Variants in POU3F3 observed in about 807,000 individuals in gnomAD.
The protein encoded by POU3F3 is POU domain, class 3, transcription factor 3.
A neutral mutation model predicts 8.6 loss-of-function variants in POU3F3; 1 was observed. The observed-to-expected ratio is 0.12, with a 90% CI of 0.04 to 0.55. POU3F3 has a LOEUF of 0.55. POU3F3 is among the 20% of genes least tolerant of loss of function. POU3F3 has a pLI of 0.91. For missense variants in POU3F3, 577 were observed against 690.7 expected, an observed-to-expected ratio of 0.84 and a Z score of 1.84; for synonymous variants, 418 against 327.4, an observed-to-expected ratio of 1.28 and a Z score of -2.99.
Position 104,856,947 on chromosome 2 carries a change from G to C in POU3F3, c.1437G>C (p.Ser479=). The change falls in exon 1 of 1, where the codon TCG becomes TCC. Residue 479 remains serine (S), a synonymous_variant. Coordinates refer to ENST00000361360, the MANE Select transcript of POU3F3 (RefSeq NM_006236.3). ...AGCAGACGCCCGACGACGTCTACTCGCAGGTGGGCACCGTGAGCGCCGACA... is the reference window on the plus strand; with the variant it reads ...AGCAGACGCCCGACGACGTCTACTCCCAGGTGGGCACCGTGAGCGCCGACA... The part of the protein sequence containing the change: ...IQQQTPDDVY[S]QVGTVSADTP... 3 of 1,612,938 alleles carry C rather than the reference G, an allele frequency of 1.9e-6. No individual in the cohort carries two copies. Among genetic ancestry groups the C allele is most frequent in the East Asian group, 4.5e-5 (2 of 44,854 alleles).
At chr2:104,894,668 A>C in the POU3F3 span, among the ~76,000 whole-genome samples, 4 of 152,224 alleles carry the variant, frequency 2.6e-5, no homozygotes, top group Non-Finnish European at 4.4e-5. Flanking sequence ...TTCAAAAAAC[A>C]CAGATAGACA....
At chr2:104,923,533 T>C in the POU3F3 span, among the ~76,000 whole-genome samples, 1 of 151,914 alleles carries the variant, frequency 6.6e-6, no homozygotes, top group Non-Finnish European at 1.5e-5. Context: ...CTGTAGAGTA[T>C]ACACAAAAGG....
chr2:104,867,924 C>T, the POU3F3 span: 2 of 234,538 alleles, frequency 8.5e-6, no homozygotes, highest in Admixed American at 5.0e-5. The surrounding 1 kb of genome is among the most constrained non-coding windows in gnomAD (Gnocchi z 5.0). Context: ...CTGAGGTCCC[C>T]TTTGGTTCCC....
chr2:104,906,824 A>G, the POU3F3 span, among the ~76,000 whole-genome samples: 1 of 152,196 alleles, frequency 6.6e-6, no homozygotes, highest in Non-Finnish European at 1.5e-5. Flanking sequence ...TATTCTCCAC[A>G]TCAGTCTGAT....
chr2:104,859,100 T>C (rs1414722297), downstream of POU3F3, among the ~76,000 whole-genome samples: 2 of 150,012 alleles, frequency 1.3e-5, no homozygotes, highest in African/African-American at 5.0e-5. Context: ...CATCAATAAC[T>C]ATATGTAATT....
At chr2:104,926,049 G>T in the POU3F3 span, 1 of 152,166 alleles carries the variant, frequency 6.6e-6, no homozygotes, top group Admixed American at 6.5e-5. Flanking sequence ...CATGGGCAAA[G>T]ACTTCATGAC....
the POU3F3 span, chr2:104,872,153 C>T: frequency 4.5e-6 from 2 of 440,572 alleles, no homozygotes; most frequent in South Asian, 3.2e-5. This position sits in a 1 kb window ranked among gnomAD's most constrained non-coding sequence, Gnocchi z 4.6. Context: ...CCCTGGAGAA[C>T]TTCCCCTGCA....
Position 104,856,000 on chromosome 2 carries a change from C to A in POU3F3, c.490C>A (p.Leu164Met). The change falls in exon 1 of 1, where the codon CTG becomes ATG. Residue 164 changes from leucine to methionine, a missense_variant. This residue lies in a region of POU3F3 where 484 missense variants were observed against 422.6 expected (regional missense o/e 1.15). Transcript: ENST00000361360. ...GRDDLHAGTA[L>M]HHRGPPHLGP... ...CGACGACCTGCACGCGGGCACAGCG[C>A]TGCACCACCGCGGGCCGCCGCACCT... 1.0e-6 allele frequency: 1 copy of A among 992,426 alleles called. No individual in the cohort carries two copies. Among genetic ancestry groups the A allele is most frequent in the Non-Finnish European group, 1.2e-6 (1 of 837,654 alleles). 61.5% of individuals were successfully genotyped at this position (992,426 alleles called of 1,614,324 possible).
chr2:104,884,480 C>T, the POU3F3 span, among the ~76,000 whole-genome samples: 1 of 152,182 alleles, frequency 6.6e-6, no homozygotes. Flanking sequence ...TTAAGAAAAG[C>T]TTCTCTGTGA....
At chr2:104,887,455 A>G in the POU3F3 span, among the ~76,000 whole-genome samples, 1 of 152,216 alleles carries the variant, frequency 6.6e-6, no homozygotes, top group South Asian at 2.1e-4. Flanking sequence ...TTGCGTAGAT[A>G]AGGCTTAAAG....
the POU3F3 span, among the ~76,000 whole-genome samples, chr2:104,888,530 T>A: frequency 1.3e-5 from 2 of 152,142 alleles, no homozygotes; most frequent in Non-Finnish European, 2.9e-5. Context: ...CCAGCCTTGA[T>A]TATGGGCAGA....
At chr2:104,877,088 T>C in the POU3F3 span, among the ~76,000 whole-genome samples, 1 of 152,068 alleles carries the variant, frequency 6.6e-6, no homozygotes, top group Admixed American at 6.6e-5. Context: ...CCTCTTCCCT[T>C]GTTAAAGCTA....
rs114716398 is a variant in POU3F3 at position 104,854,812 on chromosome 2, C to T, written c.-699C>T. 2.4e-3 allele frequency among the ~76,000 whole-genome samples: 360 copies of T among 152,292 alleles called. No homozygotes were observed. Among genetic ancestry groups the T allele is most frequent in the African/African-American group, 8.4e-3 (350 of 41,548 alleles). Reference sequence around the variant, plus strand: ...TCAAGGACGAAAAAGTTTTACTACTCTAAGGGAAAACGAGTGAAATGTGTT... The same window carrying T: ...TCAAGGACGAAAAAGTTTTACTACTTTAAGGGAAAACGAGTGAAATGTGTT... On this transcript the variant is annotated 5_prime_UTR_variant, in exon 1 of 1. Coordinates refer to ENST00000361360, the MANE Select transcript of POU3F3 (RefSeq NM_006236.3). The surrounding 1 kb of genome is among the most constrained non-coding windows in gnomAD (Gnocchi z 4.5).
At chr2:104,861,805 AG>A (rs1234312060), downstream of POU3F3, among the ~76,000 whole-genome samples, 2 of 152,152 alleles carry the variant, frequency 1.3e-5, no homozygotes. Context: ...CAAGTTCTGT[AG>A]GTCGGTTGGT....
At chr2:104,860,513 TG>T (rs1054323391), downstream of POU3F3, among the ~76,000 whole-genome samples, 5 of 152,192 alleles carry the variant, frequency 3.3e-5, no homozygotes, top group African/African-American at 1.2e-4. Context: ...AGTGCCCATT[TG>T]TTTCCTCCAT....
chr2:104,911,188 A>T, the POU3F3 span, among the ~76,000 whole-genome samples: 1 of 151,964 alleles, frequency 6.6e-6, no homozygotes. Context: ...CCAAGGTGTC[A>T]TGTGAGGTCA....
rs1676514120 is a variant in POU3F3 at position 104,854,851 on chromosome 2, G to A, written c.-660G>A. Among the ~76,000 whole-genome samples, 3 of 152,200 alleles carry A rather than the reference G, an allele frequency of 2.0e-5. No individual in the cohort carries two copies. Among genetic ancestry groups the A allele is most frequent in the Admixed American group, 1.3e-4 (2 of 15,278 alleles). ...GTGAAATGTGTTCCTGAGGAGGAGA[G>A]GAGAGGAGAGGAGAGAGCGGACAAG... On this transcript the variant is annotated 5_prime_UTR_variant, in exon 1 of 1. Transcript: ENST00000361360. This position sits in a 1 kb window ranked among gnomAD's most constrained non-coding sequence, Gnocchi z 4.5.
the POU3F3 span, among the ~76,000 whole-genome samples, chr2:104,877,240 T>C: frequency 2.0e-5 from 3 of 151,500 alleles, no homozygotes; most frequent in African/African-American, 7.3e-5. Context: ...GGGTAGGAGC[T>C]TGCTTTTTCC....
the POU3F3 span, among the ~76,000 whole-genome samples, chr2:104,875,159 G>A: frequency 6.6e-6 from 1 of 152,154 alleles, no homozygotes; most frequent in Non-Finnish European, 1.5e-5. Context: ...GTAGCATGTA[G>A]CAGAATTTCC....
Sources: gnomAD v4.1 joint callset for allele counts (sites outside exome capture counted in the v4.1 genomes callset) on GRCh38, gnomAD v4.1.1 for gene constraint, gnomAD v4.1.1 regional missense constraint, Gnocchi (gnomAD v3.1) non-coding constraint, MANE v1.5 for transcripts, NCBI Gene and HGNC (gene_info 2026-07-23, HGNC 2026-07-21) for gene names.